The following SLC16A1 variants were observed in gnomAD, a reference collection of about 807,000 sequenced individuals.
SLC16A1 encodes solute carrier family 16 member 1.
In SLC16A1, 11 loss-of-function variants were observed where a neutral mutation model predicts 32.2. The ratio of observed to expected loss-of-function variants is 0.34; its 90% CI spans 0.21 to 0.56. The LOEUF is 0.56. Among genes scored for constraint, SLC16A1 ranks in the 20% least tolerant of loss-of-function variants. The probability of loss-of-function intolerance (pLI) is 0.87; values close to 1 mark genes in which losing one functional copy is unlikely to be tolerated. For synonymous variants in SLC16A1, 231 were observed against 226.8 expected, an observed-to-expected ratio of 1.02 and a Z score of -0.17; for missense variants, 435 against 615.0, an observed-to-expected ratio of 0.71 and a Z score of 3.10.
intron 3 of SLC16A1, among the ~76,000 whole-genome samples, chr1:112,919,743 T>C (rs1420040992): frequency 1.3e-5 from 2 of 152,240 alleles, no homozygotes; most frequent in African/African-American, 4.8e-5. Flanking sequence ...CATTCTTACA[T>C]TTGTTAATAA....
chr1:112,937,379 T>G (rs1649342909), intron 1 of SLC16A1, among the ~76,000 whole-genome samples: 1 of 152,024 alleles, frequency 6.6e-6, no homozygotes, highest in Non-Finnish European at 1.5e-5. Flanking sequence ...TTAGAAAAAT[T>G]TAAAAGGAAA....
At chr1:112,944,734 T>C (rs1481412077) in intron 1 of SLC16A1, among the ~76,000 whole-genome samples, 1 of 152,132 alleles carries the variant, frequency 6.6e-6, no homozygotes, top group African/African-American at 2.4e-5. Flanking sequence ...GCTCTGTCGC[T>C]GAGGTTGGAG....
At chr1:112,920,423 T>C (rs549122392) in intron 3 of SLC16A1, among the ~76,000 whole-genome samples, 13 of 151,882 alleles carry the variant, frequency 8.6e-5, no homozygotes, top group African/African-American at 2.9e-4. Context: ...CTGCACAACA[T>C]AGTGAAACCC....
chr1:112,923,708 G>C (rs563788419), intron 2 of SLC16A1: 7 of 1,538,520 alleles, frequency 4.5e-6, no homozygotes, highest in Non-Finnish European at 4.5e-6. Context: ...ACAGCACCCC[G>C]GTGGAAGAGA....
intron 2 of SLC16A1, chr1:112,923,369 T>G (rs976651229): frequency 1.8e-6 from 1 of 566,022 alleles, no homozygotes. Flanking sequence ...GAGCTGATGC[T>G]TCCAACCACT....
At chr1:112,928,952 ACT>A (rs1309018332) in intron 2 of SLC16A1, 138 bp downstream of exon 2, 8 of 666,360 alleles carry the variant, frequency 1.2e-5, no homozygotes, top group Non-Finnish European at 2.1e-5. Flanking sequence ...GAAAAATGTG[ACT>A]CTAAACACCA....
chr1:112,946,516 A>G (rs941505641), intron 1 of SLC16A1, among the ~76,000 whole-genome samples: 2 of 152,118 alleles, frequency 1.3e-5, no homozygotes, highest in African/African-American at 4.8e-5. Flanking sequence ...TGCTCTCTAC[A>G]GTGAAAGAAG....
At chr1:112,923,672 C>T (rs2101628058) in intron 2 of SLC16A1, 2 of 1,512,350 alleles carry the variant, frequency 1.3e-6, no homozygotes, top group East Asian at 4.5e-5. Context: ...CCCGAGTGGA[C>T]CTCTTCTACC....
chr1:112,931,265 T>C (rs1021352006), intron 1 of SLC16A1, among the ~76,000 whole-genome samples: 1 of 152,094 alleles, frequency 6.6e-6, no homozygotes, highest in African/African-American at 2.4e-5. Context: ...TGATTCAAGG[T>C]ATTTTTCCGC....
At chr1:112,930,664 C>T (rs538987068) in intron 1 of SLC16A1, among the ~76,000 whole-genome samples, 2 of 151,988 alleles carry the variant, frequency 1.3e-5, no homozygotes, top group South Asian at 2.1e-4. Flanking sequence ...CCAAATGCCC[C>T]ATTTGACTTA....
intron 1 of SLC16A1, among the ~76,000 whole-genome samples, chr1:112,953,558 C>T (rs779156429): frequency 1.2e-4 from 18 of 152,252 alleles, no homozygotes; most frequent in Admixed American, 3.9e-4. Context: ...AATTTTTTTA[C>T]CCTCCTTGAT....
rs375986619 is a variant in SLC16A1, at chr1:112,914,158, G to A, written c.1236C>T (p.Leu412=). Reference sequence around the variant, plus strand: ...ATTTGTAGTCTCCATACATGTCATTGAGCCGACCTAAATATGTAAAACAAC... The same window carrying A: ...ATTTGTAGTCTCCATACATGTCATTAAGCCGACCTAAATATGTAAAACAAC... ...VLLGPPLLGR[L]NDMYGDYKYT... is the part of the protein sequence containing the mutation. The change falls in exon 5 of 5, where the codon CTC becomes CTT. Residue 412 remains leucine, a synonymous_variant. Coordinates refer to ENST00000369626, the MANE Select transcript of SLC16A1 (RefSeq NM_003051.4). 7 of 1,613,952 alleles carry A rather than the reference G, an allele frequency of 4.3e-6. No individual in the cohort carries two copies. The highest frequency in any genetic ancestry group is 1.6e-4 in the Middle Eastern group (1 of 6,084).
intron 4 of SLC16A1, among the ~76,000 whole-genome samples, chr1:112,916,157 G>T (rs1360845636): frequency 6.9e-6 from 1 of 145,978 alleles, no homozygotes; most frequent in South Asian, 2.2e-4. Context: ...TTATACTACT[G>T]CTACTGAAAT....
intron 4 of SLC16A1, among the ~76,000 whole-genome samples, chr1:112,916,262 G>A (rs576894519): frequency 6.6e-6 from 1 of 151,410 alleles, no homozygotes; most frequent in Admixed American, 6.6e-5. Flanking sequence ...CACTTTGGGA[G>A]GCCAAGGCGG....
intron 2 of SLC16A1, among the ~76,000 whole-genome samples, chr1:112,925,381 CTT>C (rs1168717030): frequency 4.1e-5 from 1 of 24,606 alleles, no homozygotes; most frequent in Non-Finnish European, 7.0e-5. Flanking sequence ...AGTGGCCTTT[CTT>C]TTTTTTTTAA....
intron 2 of SLC16A1, among the ~76,000 whole-genome samples, chr1:112,927,823 C>T (rs1424736964): frequency 6.6e-6 from 1 of 152,180 alleles, no homozygotes; most frequent in African/African-American, 2.4e-5. Context: ...CTTTCTCGCT[C>T]TTTGGTAGCA....
intron 2 of SLC16A1, among the ~76,000 whole-genome samples, chr1:112,926,866 G>A (rs73000304): frequency 0.032 from 4,862 of 150,610 alleles, 255 homozygotes; most frequent in African/African-American, 0.11. Flanking sequence ...GTGACAGAGT[G>A]AGAAACCCTA....
At chr1:112,924,306 C>T (rs1251109801) in intron 2 of SLC16A1, 1 of 1,396,208 alleles carries the variant, frequency 7.2e-7, no homozygotes, top group African/African-American at 1.4e-5. Flanking sequence ...TCAAGCCTGG[C>T]AATTGGTTGC....
At chr1:112,924,011 C>A (rs969515544) in intron 2 of SLC16A1, 125 of 1,381,754 alleles carry the variant, frequency 9.0e-5, no homozygotes, top group Non-Finnish European at 1.2e-4. Flanking sequence ...AGCCCATGGG[C>A]CGCTTCTTTG....
Sources: gnomAD v4.1 joint callset for allele counts (sites outside exome capture counted in the v4.1 genomes callset) on GRCh38, gnomAD v4.1.1 for gene constraint, MANE v1.5 for transcripts, NCBI Gene and HGNC (gene_info 2026-07-23, HGNC 2026-07-21) for gene names.